Variants in SLC8A1 observed in about 807,000 individuals in gnomAD.
SLC8A1 encodes the protein sodium/calcium exchanger 1.
Under a neutral mutation model 68.3 loss-of-function variants are expected in SLC8A1, and 18 were observed. That is an observed-to-expected ratio of 0.26 (90% CI 0.18 to 0.39). The LOEUF (loss-of-function observed/expected upper bound fraction) is 0.39, where lower values mean the gene tolerates loss of function less well. SLC8A1 is among the 10% of genes least tolerant of loss of function. The pLI is 1.00. For missense variants in SLC8A1, 985 were observed against 1,156.7 expected, an observed-to-expected ratio of 0.85 and a Z score of 2.15; for synonymous variants, 475 against 415.5, an observed-to-expected ratio of 1.14 and a Z score of -1.74.
chr2:40,270,464 C>G (rs922077220), intron 2 of SLC8A1, among the ~76,000 whole-genome samples: 7 of 152,220 alleles, frequency 4.6e-5, no homozygotes, highest in African/African-American at 1.7e-4. Flanking sequence ...AATCTGTTTC[C>G]TTGCCTTTTC....
intron 2 of SLC8A1, among the ~76,000 whole-genome samples, chr2:40,253,613 G>C (rs1451445899): frequency 6.6e-6 from 1 of 151,982 alleles, no homozygotes; most frequent in Non-Finnish European, 1.5e-5. Flanking sequence ...ATCACCTGAG[G>C]TCAGGAGTTC....
At chr2:40,431,652 T>C (rs1460337305) in intron 1 of SLC8A1, among the ~76,000 whole-genome samples, 2 of 152,082 alleles carry the variant, frequency 1.3e-5, no homozygotes, top group South Asian at 2.1e-4. Flanking sequence ...AGTTATGACA[T>C]CAGATAAAGC....
chr2:40,489,023 T>C (rs1667851480), intron 1 of SLC8A1, among the ~76,000 whole-genome samples: 1 of 152,138 alleles, frequency 6.6e-6, no homozygotes, highest in Admixed American at 6.6e-5. Context: ...ACTCTAACGA[T>C]AAGAACTGTC....
chr2:40,318,841 A>C (rs901166400), intron 2 of SLC8A1, among the ~76,000 whole-genome samples: 1 of 152,116 alleles, frequency 6.6e-6, no homozygotes, highest in Admixed American at 6.6e-5. Context: ...AACGCTTAGG[A>C]AAGTTATTCT....
At chr2:40,146,951 C>CT (rs1368357256) in intron 6 of SLC8A1, among the ~76,000 whole-genome samples, 3 of 152,156 alleles carry the variant, frequency 2.0e-5, no homozygotes, top group East Asian at 1.9e-4. Context: ...AACTCACTCT[C>CT]TGTTAATAAC....
intron 2 of SLC8A1, among the ~76,000 whole-genome samples, chr2:40,274,170 G>C (rs1453542019): frequency 6.7e-6 from 1 of 149,604 alleles, no homozygotes; most frequent in Non-Finnish European, 1.5e-5. Context: ...AATAGACTGG[G>C]CACTGTTGCT....
intron 2 of SLC8A1, among the ~76,000 whole-genome samples, chr2:40,232,288 G>A (rs925300623): frequency 9.2e-5 from 14 of 152,082 alleles, no homozygotes; most frequent in Admixed American, 9.2e-4. Flanking sequence ...AGAAATCAGG[G>A]GCATACAGGT....
At chr2:40,238,620 G>T (rs2060774609) in intron 2 of SLC8A1, among the ~76,000 whole-genome samples, 1 of 152,124 alleles carries the variant, frequency 6.6e-6, no homozygotes, top group Non-Finnish European at 1.5e-5. Context: ...CGGCCATCTT[G>T]GCTCCTCGAT....
At chr2:40,458,455 G>C (rs1703152988) in intron 1 of SLC8A1, among the ~76,000 whole-genome samples, 1 of 152,026 alleles carries the variant, frequency 6.6e-6, no homozygotes, top group South Asian at 2.1e-4. Context: ...CCCTGTAAGG[G>C]GACTGGTGTA....
At chr2:40,212,852 T>C (rs1447652513) in intron 2 of SLC8A1, among the ~76,000 whole-genome samples, 1 of 152,184 alleles carries the variant, frequency 6.6e-6, no homozygotes, top group East Asian at 1.9e-4. Context: ...ACATGTAGAC[T>C]TAGTTGAGGA....
At chr2:40,416,424 A>G (rs552673252) in intron 2 of SLC8A1, among the ~76,000 whole-genome samples, 4 of 152,130 alleles carry the variant, frequency 2.6e-5, no homozygotes, top group Admixed American at 6.6e-5. Context: ...TTTGGCAAAT[A>G]ACTTTACTTT....
chr2:40,266,313 T>A (rs1387986158), intron 2 of SLC8A1, among the ~76,000 whole-genome samples: 2 of 152,112 alleles, frequency 1.3e-5, no homozygotes, highest in Non-Finnish European at 2.9e-5. Flanking sequence ...AAGGAACAGT[T>A]TCACCTAGGG....
At chr2:40,289,530 GAAAGGTAACAAAAAAAAGT>G (rs1235276092) in intron 2 of SLC8A1, among the ~76,000 whole-genome samples, 1 of 151,954 alleles carries the variant, frequency 6.6e-6, no homozygotes, top group Admixed American at 6.6e-5. Context: ...TGGTTCCCTA[GAAAGGTAACAAAAAAAAGT>G]TATTAAAAAA....
Position 40,327,420 on chromosome 2 carries a change from A to G in SLC8A1, c.1808+101053T>C, listed in dbSNP as rs1197511157. ...AAAGAGGCATTATGTGTCAAAGGAAATAACTGTTTCATGACACTTAATACA... is the reference window on the plus strand; with the variant it reads ...AAAGAGGCATTATGTGTCAAAGGAAGTAACTGTTTCATGACACTTAATACA... On this transcript the variant is annotated intron_variant, in intron 2 of 7. Transcript: ENST00000406785. 1.3e-5 allele frequency among the ~76,000 whole-genome samples: 2 copies of G among 152,340 alleles called. 1 individual carries two copies. Among genetic ancestry groups the G allele is most frequent in the South Asian group, 4.1e-4 (2 of 4,832 alleles).
At chr2:40,495,674 G>T (rs556322884) in intron 1 of SLC8A1, among the ~76,000 whole-genome samples, 5 of 151,964 alleles carry the variant, frequency 3.3e-5, no homozygotes, top group Non-Finnish European at 7.4e-5. Flanking sequence ...TCATTCCAGT[G>T]GTTATAAAGC....
intron 1 of SLC8A1, among the ~76,000 whole-genome samples, chr2:40,439,904 T>A (rs1318228531): frequency 6.6e-6 from 1 of 152,172 alleles, no homozygotes; most frequent in East Asian, 1.9e-4. Flanking sequence ...TTTCTAAAGT[T>A]CCTGACAATA....
At chr2:40,162,442 G>GA (rs1318993667) in intron 5 of SLC8A1, among the ~76,000 whole-genome samples, 1 of 152,004 alleles carries the variant, frequency 6.6e-6, no homozygotes, top group African/African-American at 2.4e-5. Flanking sequence ...CATCACCTGG[G>GA]AAATAAACAA....
chr2:40,200,166 AG>A, intron 2 of SLC8A1, among the ~76,000 whole-genome samples: 1 of 98,638 alleles, frequency 1.0e-5, no homozygotes, highest in African/African-American at 4.1e-5. Context: ...GAGGATTTCA[AG>A]TCATTGATAT....
At chr2:40,171,394 CTT>C (rs1346283955) in intron 4 of SLC8A1, among the ~76,000 whole-genome samples, 1 of 152,156 alleles carries the variant, frequency 6.6e-6, no homozygotes, top group African/African-American at 2.4e-5. Context: ...AACTCTATAT[CTT>C]AGAAGTTTTG....
Sources: gnomAD v4.1 joint callset for allele counts (sites outside exome capture counted in the v4.1 genomes callset) on GRCh38, gnomAD v4.1.1 for gene constraint, MANE v1.5 for transcripts, NCBI Gene and HGNC (gene_info 2026-07-23, HGNC 2026-07-21) for gene names.